The following SESTD1 variants were observed in gnomAD, a reference collection of about 807,000 sequenced individuals.
SESTD1 encodes the protein SEC14 domain and spectrin repeat-containing protein 1.
In SESTD1, 43 loss-of-function variants were observed where a neutral mutation model predicts 101.7. That is an observed-to-expected ratio of 0.42 (90% CI 0.33 to 0.55). The LOEUF (loss-of-function observed/expected upper bound fraction) is 0.55. SESTD1 is among the 20% of genes least tolerant of loss of function. SESTD1 has a pLI of 0.07. For missense variants in SESTD1, 647 were observed against 815.1 expected, an observed-to-expected ratio of 0.79 and a Z score of 2.51; for synonymous variants, 283 against 286.8, an observed-to-expected ratio of 0.99 and a Z score of 0.13.
In SESTD1 at chr2:179,158,629, G is replaced by A. The variant is rs1393209365; in HGVS notation, c.370-7238C>T. 2.0e-5 allele frequency among the ~76,000 whole-genome samples: 3 copies of A among 152,118 alleles called. No individual in the cohort carries two copies. In the East Asian group the frequency reaches 5.8e-4, roughly 29 times the overall value. On this transcript the variant is annotated intron_variant, in intron 5 of 17. Transcript: ENST00000428443. ...TAATTTTTTTAAAAAAATTGACCAAGATTACTGCTATTATGTTTTTACCTA... is the reference window on the plus strand; with the variant it reads ...TAATTTTTTTAAAAAAATTGACCAAAATTACTGCTATTATGTTTTTACCTA...
chr2:179,188,496 A>G (rs1490999), intron 2 of SESTD1, among the ~76,000 whole-genome samples: 131,297 of 152,178 alleles, frequency 0.86, 56,771 homozygotes, highest in South Asian at 0.93. Flanking sequence ...AAATTGGCTG[A>G]GTATGGTGGT....
chr2:179,189,946 C>T (rs1386138165), intron 2 of SESTD1, among the ~76,000 whole-genome samples: 2 of 151,730 alleles, frequency 1.3e-5, no homozygotes, highest in East Asian at 1.9e-4. Flanking sequence ...AACATTCCAT[C>T]GTCATATTTA....
chr2:179,236,749 G>GTT (rs71848548), intron 1 of SESTD1, among the ~76,000 whole-genome samples: 30 of 135,270 alleles, frequency 2.2e-4, no homozygotes, highest in South Asian at 1.8e-3. Context: ...ATCTGATGTA[G>GTT]TTTTTTTTTT....
At chr2:179,116,878 G>A in intron 14 of SESTD1, 88 bp from the exon 15 acceptor site, 1 of 1,486,140 alleles carries the variant, frequency 6.7e-7, no homozygotes, top group Non-Finnish European at 9.1e-7. Context: ...TTACTATCAT[G>A]TGATTAATAA....
chr2:179,151,582 A>G (rs1207406453), intron 5 of SESTD1, among the ~76,000 whole-genome samples, 191 bp from the exon 6 acceptor site: 2 of 152,096 alleles, frequency 1.3e-5, no homozygotes, highest in African/African-American at 4.8e-5. Flanking sequence ...TTCATCAAAA[A>G]TTTTTTCTAA....
At chr2:179,260,101 A>G (rs1359274191) in intron 1 of SESTD1, among the ~76,000 whole-genome samples, 1 of 152,240 alleles carries the variant, frequency 6.6e-6, no homozygotes, top group Non-Finnish European at 1.5e-5. Flanking sequence ...ACAAATTTAC[A>G]TTTGTATAGC....
At chr2:179,190,296 C>T (rs1311422849) in intron 2 of SESTD1, among the ~76,000 whole-genome samples, 1 of 152,014 alleles carries the variant, frequency 6.6e-6, no homozygotes, top group Non-Finnish European at 1.5e-5. Flanking sequence ...GGGGAAAGAA[C>T]TACCTATTTA....
Position 179,146,349 on chromosome 2 carries a change from A to G in SESTD1, c.637+53T>C. ...GAATTCATGTTTATTTAATGAACGA[A>G]TCAATCCAATTGGTTTACTGGATTA... On this transcript the variant is annotated intron_variant, in intron 8 of 17. Coordinates refer to ENST00000428443, the MANE Select transcript of SESTD1 (RefSeq NM_178123.5). 1.2e-5 allele frequency: 18 copies of G among 1,458,732 alleles called. No individual in the cohort carries two copies. The South Asian group carries it at 2.1e-4, about 17-fold the overall frequency. 90.4% of individuals were successfully genotyped at this position (1,458,732 alleles called of 1,614,324 possible).
rs145211363 is a variant in SESTD1 at position 179,210,824 on chromosome 2, T to C, written c.-25-18958A>G. ...TTTCCATTCAACATAATACTGGAAG[T>C]CCTAGCCAGAGCAATCAGACAAGAG... On this transcript the variant is annotated intron_variant, in intron 1 of 17. Transcript: ENST00000428443. Among the ~76,000 whole-genome samples the C allele has an allele frequency of 4.5e-5, 6 of 134,224 alleles. 1 individual carries two copies. Among genetic ancestry groups the C allele is most frequent in the Non-Finnish European group, 9.6e-5 (6 of 62,530 alleles). The allele number at this position is 134,224 out of a possible 152,430, so 88.1% of individuals were successfully genotyped here.
At chr2:179,169,827 A>T (rs1446679342) in intron 5 of SESTD1, among the ~76,000 whole-genome samples, 1 of 152,008 alleles carries the variant, frequency 6.6e-6, no homozygotes, top group Non-Finnish European at 1.5e-5. Flanking sequence ...ATGCAAAATT[A>T]GCTGGGTGTG....
At chr2:179,257,126 T>C (rs1177662708) in intron 1 of SESTD1, among the ~76,000 whole-genome samples, 1 of 152,018 alleles carries the variant, frequency 6.6e-6, no homozygotes, top group East Asian at 1.9e-4. Flanking sequence ...TGTTTTTTTT[T>C]CAATTTTATT....
chr2:179,259,121 T>A (rs2047443002), intron 1 of SESTD1, among the ~76,000 whole-genome samples: 1 of 152,206 alleles, frequency 6.6e-6, no homozygotes, highest in Admixed American at 6.5e-5. Context: ...TCCTGCACCT[T>A]TGTTTCTTTA....
intron 1 of SESTD1, among the ~76,000 whole-genome samples, chr2:179,226,254 G>GA (rs1234752191): frequency 2.6e-5 from 4 of 152,114 alleles, no homozygotes; most frequent in Non-Finnish European, 4.4e-5. Flanking sequence ...CCAGTGTGGG[G>GA]AAAAATCTGA....
intron 1 of SESTD1, among the ~76,000 whole-genome samples, chr2:179,229,662 T>C (rs1300926496): frequency 6.6e-6 from 1 of 150,498 alleles, no homozygotes; most frequent in African/African-American, 2.4e-5. Flanking sequence ...TTTTGGAAAT[T>C]AGATGATGAA....
chr2:179,144,120 A>AT (rs1023440030), intron 8 of SESTD1, among the ~76,000 whole-genome samples: 4 of 151,012 alleles, frequency 2.6e-5, no homozygotes, highest in Middle Eastern at 3.2e-3. Context: ...TACGGTTTAT[A>AT]TTTTTTTTTA....
In SESTD1 at chr2:179,188,468, T is replaced by C. The variant is rs148545788; in HGVS notation, c.55+3319A>G. Among the ~76,000 whole-genome samples, 825 of 152,248 alleles carry C rather than the reference T, an allele frequency of 5.4e-3. 9 individuals are homozygous for C. The highest frequency in any genetic ancestry group is 0.019 in the African/African-American group (780 of 41,532). ...GCCTGTGCAACACAGCAAAACCCCA[T>C]CTTTACAAAAAATACAAAAATTGGC... On this transcript the variant is annotated intron_variant, in intron 2 of 17. Coordinates refer to ENST00000428443, the MANE Select transcript of SESTD1 (RefSeq NM_178123.5).
intron 1 of SESTD1, chr2:179,263,909 G>T (rs546934822): frequency 1.7e-3 from 262 of 152,470 alleles, no homozygotes; most frequent in South Asian, 0.016. Flanking sequence ...GCCAAGCCCC[G>T]CGACCTGAGG....
chr2:179,256,899 T>C (rs2047403246), intron 1 of SESTD1, among the ~76,000 whole-genome samples: 2 of 151,900 alleles, frequency 1.3e-5, no homozygotes, highest in South Asian at 4.2e-4. Context: ...AATCTACTCC[T>C]AGTGAACGTG....
At chr2:179,134,708 CTTG>C (rs2045099071) in intron 9 of SESTD1, among the ~76,000 whole-genome samples, 1 of 152,110 alleles carries the variant, frequency 6.6e-6, no homozygotes, top group South Asian at 2.1e-4. Context: ...AATACTAATG[CTTG>C]TTAATATACT....
Sources: gnomAD v4.1 joint callset for allele counts (sites outside exome capture counted in the v4.1 genomes callset) on GRCh38, gnomAD v4.1.1 for gene constraint, MANE v1.5 for transcripts, NCBI Gene and HGNC (gene_info 2026-07-23, HGNC 2026-07-21) for gene names.